The following DEPDC5 variants were observed in gnomAD, a reference collection of about 807,000 sequenced individuals.
The protein encoded by DEPDC5 is DEP domain containing 5, GATOR1 subcomplex subunit.
Under a neutral mutation model 217.3 loss-of-function variants are expected in DEPDC5, and 73 were observed. The observed-to-expected ratio is 0.34, with a 90% CI of 0.28 to 0.41. The LOEUF (loss-of-function observed/expected upper bound fraction) is 0.41. Among genes scored for constraint, DEPDC5 ranks in the 10% least tolerant of loss-of-function variants. The probability of loss-of-function intolerance (pLI) is 1.00; values close to 1 mark genes in which losing one functional copy is unlikely to be tolerated. For missense variants in DEPDC5, 1,675 were observed against 2,070.1 expected (o/e 0.81, Z 3.70); for synonymous variants, 733 against 756.7 (o/e 0.97, Z 0.51).
At chr22:31,900,488 C>T (rs545175125) in intron 40 of DEPDC5, among the ~76,000 whole-genome samples, 1 of 152,146 alleles carries the variant, frequency 6.6e-6, no homozygotes, top group South Asian at 2.1e-4. Flanking sequence ...CCTATAATCC[C>T]AGCACTTTGG....
At chr22:31,765,211 G>T (rs941096918) in intron 5 of DEPDC5, 151 bp downstream of exon 5, 3 of 655,040 alleles carry the variant, frequency 4.6e-6, no homozygotes, top group Non-Finnish European at 8.2e-6. Context: ...ACATCAGGAG[G>T]CTGAGACAGG....
intron 17 of DEPDC5, among the ~76,000 whole-genome samples, chr22:31,805,655 C>T (rs1367742122): frequency 6.6e-6 from 1 of 152,118 alleles, no homozygotes; most frequent in African/African-American, 2.4e-5. Context: ...TGCCTGCCGC[C>T]ACGCCCGGCT....
At chr22:31,774,374 T>A (rs993877535) in intron 7 of DEPDC5, among the ~76,000 whole-genome samples, 1 of 151,666 alleles carries the variant, frequency 6.6e-6, no homozygotes, top group Non-Finnish European at 1.5e-5. Context: ...TAATTTTGTG[T>A]TTTTAGTAGA....
intron 41 of DEPDC5, among the ~76,000 whole-genome samples, chr22:31,903,939 A>G (rs963188688): frequency 1.3e-5 from 2 of 151,962 alleles, no homozygotes; most frequent in Non-Finnish European, 2.9e-5. Context: ...TGCCTAGAGT[A>G]GTTTCATATG....
intron 14 of DEPDC5, 77 bp downstream of exon 14, chr22:31,798,733 G>C: frequency 7.1e-7 from 1 of 1,406,376 alleles, no homozygotes; most frequent in Non-Finnish European, 9.8e-7. Context: ...TCCTGATCCA[G>C]ACCCTAAGAG....
At chr22:31,845,367 A>C in intron 30 of DEPDC5, 130 bp downstream of exon 30, 1 of 1,246,290 alleles carries the variant, frequency 8.0e-7, no homozygotes, top group Non-Finnish European at 1.1e-6. Context: ...CCTTAAATCC[A>C]AAACAGTGTT....
At chr22:31,882,007 C>T (rs1005930382) in intron 38 of DEPDC5, among the ~76,000 whole-genome samples, 3 of 150,940 alleles carry the variant, frequency 2.0e-5, no homozygotes, top group Admixed American at 6.6e-5. Context: ...CAGGTACCTA[C>T]CCTGATGTCA....
chr22:31,793,775 T>G (rs929261840), intron 12 of DEPDC5, among the ~76,000 whole-genome samples: 1 of 152,148 alleles, frequency 6.6e-6, no homozygotes, highest in Non-Finnish European at 1.5e-5. Context: ...TTCGCCATGT[T>G]GGCCAGCCTG....
intron 25 of DEPDC5, 59 bp from the exon 26 acceptor site, chr22:31,836,913 C>G (rs1210731326): frequency 1.3e-6 from 2 of 1,501,196 alleles, no homozygotes; most frequent in Non-Finnish European, 1.8e-6. Flanking sequence ...CCCCTGGCCC[C>G]CCATCCCACA....
At chr22:31,831,798 A>G (rs950385407) in intron 24 of DEPDC5, among the ~76,000 whole-genome samples, 9 of 152,208 alleles carry the variant, frequency 5.9e-5, no homozygotes, top group Non-Finnish European at 1.2e-4. Flanking sequence ...GTCCAGTAAA[A>G]TGTGCTATAT....
At chr22:31,777,615 T>C (rs949119856) in intron 7 of DEPDC5, among the ~76,000 whole-genome samples, 2 of 151,976 alleles carry the variant, frequency 1.3e-5, no homozygotes, top group African/African-American at 4.8e-5. Flanking sequence ...CCCCTGTTCA[T>C]ATTCAGTATA....
At chr22:31,832,314 G>C (rs2090662504) in intron 24 of DEPDC5, among the ~76,000 whole-genome samples, 1 of 152,164 alleles carries the variant, frequency 6.6e-6, no homozygotes. Context: ...TGAGTAGATT[G>C]CTGGGTCAAA....
intron 24 of DEPDC5, among the ~76,000 whole-genome samples, chr22:31,827,375 T>G (rs1464945781): frequency 6.6e-6 from 1 of 152,222 alleles, no homozygotes; most frequent in Admixed American, 6.5e-5. Flanking sequence ...TATAACCATA[T>G]GCAAAACCAA....
At chr22:31,884,934 C>T (rs770097537) in intron 38 of DEPDC5, among the ~76,000 whole-genome samples, 5 of 152,228 alleles carry the variant, frequency 3.3e-5, no homozygotes, top group Non-Finnish European at 7.3e-5. Context: ...TCAGCAAATT[C>T]AGTTTACCTT....
chr22:31,787,678 G>A (rs1460188740), intron 10 of DEPDC5, among the ~76,000 whole-genome samples: 68 of 152,086 alleles, frequency 4.5e-4, no homozygotes, highest in Non-Finnish European at 4.4e-5. Flanking sequence ...TGGCTGCATT[G>A]GCAAATGCCT....
intron 14 of DEPDC5, among the ~76,000 whole-genome samples, chr22:31,802,255 C>T (rs2086950756): frequency 6.6e-6 from 1 of 151,208 alleles, no homozygotes; most frequent in Non-Finnish European, 1.5e-5. Flanking sequence ...CAGCCTCCCA[C>T]ATAGCTGGGA....
At chr22:31,778,251 G>A (rs868277103) in intron 8 of DEPDC5, 83 bp downstream of exon 8, 5 of 1,392,750 alleles carry the variant, frequency 3.6e-6, no homozygotes, top group East Asian at 4.6e-5. Flanking sequence ...AAACAAGGGC[G>A]GGGCAGGACA....
intron 31 of DEPDC5, 103 bp downstream of exon 31, chr22:31,847,070 C>A: frequency 6.5e-7 from 1 of 1,527,244 alleles, no homozygotes; most frequent in South Asian, 1.2e-5. Flanking sequence ...TTACAAGGAG[C>A]TTGTAATTAG....
chr22:31,827,932 T>G (rs2090280683), intron 24 of DEPDC5, among the ~76,000 whole-genome samples: 1 of 152,190 alleles, frequency 6.6e-6, no homozygotes, highest in South Asian at 2.1e-4. Flanking sequence ...TATTGGATGA[T>G]AAATGACATG....
Sources: gnomAD v4.1 joint callset for allele counts (sites outside exome capture counted in the v4.1 genomes callset) on GRCh38, gnomAD v4.1.1 for gene constraint, MANE v1.5 for transcripts, NCBI Gene and HGNC (gene_info 2026-07-23, HGNC 2026-07-21) for gene names.